The following RC3H2 variants were observed in gnomAD, a reference collection of about 807,000 sequenced individuals.
RC3H2 encodes the protein roquin-2.
Under a neutral mutation model 133.3 loss-of-function variants are expected in RC3H2, and 31 were observed. The ratio of observed to expected loss-of-function variants is 0.23; its 90% confidence interval spans 0.17 to 0.31. RC3H2 has a LOEUF of 0.31. Among genes scored for constraint, RC3H2 ranks in the 10% least tolerant of loss-of-function variants. RC3H2 has a pLI of 1.00. For synonymous variants in RC3H2, 517 were observed against 502.2 expected (o/e 1.03, Z -0.40); for missense variants, 1,175 against 1,437.2 (o/e 0.82, Z 2.95).
chr9:122,900,887 T>C lies in RC3H2; in HGVS notation c.-67-3311A>G, dbSNP rs564880978. ...GATAAAGCATAGGAGTGAGAAATGC[T>C]AAATTAAAGGTGGGACCATAAACAA... On this transcript the variant is annotated intron_variant, in intron 1 of 20. Transcript: ENST00000357244. 1.2e-4 allele frequency among the ~76,000 whole-genome samples: 18 copies of C among 152,336 alleles called. No individual in the cohort carries two copies. The East Asian group carries it at 3.3e-3, about 28-fold the overall frequency.
rs1415914972 is a variant in RC3H2 at position 122,846,070 on chromosome 9, T to A, written c.*3557A>T. 6.6e-6 allele frequency: 1 copy of A among 152,152 alleles called. No homozygotes were observed. The highest frequency in any genetic ancestry group is 2.1e-4 in the South Asian group (1 of 4,832). 9.4% of individuals were successfully genotyped at this position (152,152 alleles called of 1,614,324 possible). On this transcript the variant is annotated 3_prime_UTR_variant, in exon 21 of 21. Coordinates refer to ENST00000357244, the MANE Select transcript of RC3H2 (RefSeq NM_001100588.3). ...TAATGTCTAAAATCCAAAAGCAAAC[T>A]AGATGGTTTTTAAAATAATTTTTCA...
At chr9:122,898,749 C>CAAAAA (rs11433169) in intron 1 of RC3H2, among the ~76,000 whole-genome samples, 3 of 134,890 alleles carry the variant, frequency 2.2e-5, no homozygotes, top group Admixed American at 1.5e-4. Flanking sequence ...AACTTAATCT[C>CAAAAA]AAAAAAAAAA....
At chr9:122,879,369 G>C (rs1444392778) in intron 8 of RC3H2, among the ~76,000 whole-genome samples, 2 of 151,776 alleles carry the variant, frequency 1.3e-5, no homozygotes, top group Non-Finnish European at 2.9e-5. Flanking sequence ...ACTCCAGCCT[G>C]GGTGACAGAG....
chr9:122,872,458 A>ACT (rs757674033), intron 9 of RC3H2, among the ~76,000 whole-genome samples: 46 of 152,252 alleles, frequency 3.0e-4, no homozygotes, highest in Non-Finnish European at 5.1e-4. Context: ...TTTAAATAAA[A>ACT]CTCTAAAATG....
At chr9:122,884,504 T>G (rs2131470562) in intron 4 of RC3H2, among the ~76,000 whole-genome samples, 1 of 152,300 alleles carries the variant, frequency 6.6e-6, no homozygotes, top group East Asian at 1.9e-4. Context: ...CAGCCAAGGA[T>G]ATATGGTATA....
chr9:122,866,561 C>T (rs1040237656), intron 9 of RC3H2, among the ~76,000 whole-genome samples: 3 of 152,056 alleles, frequency 2.0e-5, no homozygotes, highest in East Asian at 1.9e-4. Flanking sequence ...CGCGCCGCCA[C>T]GCCTGACTGG....
chr9:122,867,246 C>T (rs1212946506), intron 9 of RC3H2, among the ~76,000 whole-genome samples: 1 of 96,150 alleles, frequency 1.0e-5, no homozygotes, highest in Non-Finnish European at 2.2e-5. Flanking sequence ...GGATCAGCCC[C>T]CCGCCCGGCC....
At chr9:122,860,576 G>A (rs1188176006) in intron 10 of RC3H2, among the ~76,000 whole-genome samples, 1 of 151,650 alleles carries the variant, frequency 6.6e-6, no homozygotes, top group East Asian at 1.9e-4. Context: ...ACCACACTCG[G>A]CTAATTTTTA....
At chr9:122,900,873 G>C (rs1588118585) in intron 1 of RC3H2, among the ~76,000 whole-genome samples, 1 of 152,154 alleles carries the variant, frequency 6.6e-6, no homozygotes, top group Non-Finnish European at 1.5e-5. Flanking sequence ...ATAAAGCATA[G>C]GAGTGAGAAA....
At chr9:122,852,763 G>T (rs1334622161) in intron 18 of RC3H2, among the ~76,000 whole-genome samples, 4 of 150,824 alleles carry the variant, frequency 2.7e-5, no homozygotes, top group Admixed American at 1.3e-4. Context: ...GAGGTGGGGG[G>T]GTCAGCCCCC....
chr9:122,849,808 G>GA lies in RC3H2; in HGVS notation c.3394_3395insT (p.Thr1132IlefsTer10). The GA allele has an allele frequency of 6.4e-7, 1 of 1,567,598 alleles. No homozygotes were observed. Among genetic ancestry groups the GA allele is most frequent in the Non-Finnish European group, 8.6e-7 (1 of 1,160,286 alleles). ...AAAGCAAGAAGTTACCGGCAGAATT[G>GA]TTTTTTGCTCCTCCCTGAGAAAAAA... is the stretch of plus-strand genomic sequence containing the variant. On this transcript the variant is annotated frameshift_variant, in exon 21 of 21. Coordinates refer to ENST00000357244, the MANE Select transcript of RC3H2 (RefSeq NM_001100588.3). LOFTEE classifies it high-confidence loss of function.
chr9:122,868,745 T>G (rs553087923), intron 9 of RC3H2, among the ~76,000 whole-genome samples: 2 of 143,688 alleles, frequency 1.4e-5, no homozygotes, highest in Admixed American at 1.4e-4. Flanking sequence ...CAATAAAAAA[T>G]AAATAAATAA....
At chr9:122,857,467 G>T in intron 13 of RC3H2, among the ~76,000 whole-genome samples, 1 of 152,096 alleles carries the variant, frequency 6.6e-6, no homozygotes, top group Non-Finnish European at 1.5e-5. Flanking sequence ...GACAGCCCAG[G>T]ATTCATATCC....
chr9:122,880,350 TATAG>T (rs1465468437), intron 6 of RC3H2: 2 of 757,916 alleles, frequency 2.6e-6, no homozygotes, highest in African/African-American at 1.7e-5. Flanking sequence ...GAGGTCAGAA[TATAG>T]ATAAATTTGA....
chr9:122,883,294 A>T lies in RC3H2; in HGVS notation c.669T>A (p.Val223=). ...ALSRKVLVLF[V]VQRLEPRFPQ... ...GAAATCTTGGTTCTAGTCTCTGCAC[A>T]ACAAAAAGTACCAGAACTTTCCTTG... is the stretch of plus-strand genomic sequence containing the variant. The change falls in exon 5 of 21, where the codon GTT becomes GTA. Residue 223 remains valine, a synonymous_variant. Transcript: ENST00000357244. 1 of 1,613,892 alleles carries T rather than the reference A, an allele frequency of 6.2e-7. No homozygotes were observed. The highest frequency in any genetic ancestry group is 1.1e-5 in the South Asian group (1 of 91,004).
chr9:122,859,234 T>C (rs147077877), intron 11 of RC3H2, 132 bp from the exon 12 acceptor site: 10,955 of 593,790 alleles, frequency 0.018, 135 homozygotes, highest in Middle Eastern at 0.027. Flanking sequence ...CCCTGCTTTA[T>C]AAAGCTTTAT....
chr9:122,878,742 T>A (rs1392893573), intron 8 of RC3H2, among the ~76,000 whole-genome samples: 1 of 151,772 alleles, frequency 6.6e-6, no homozygotes, highest in African/African-American at 2.4e-5. Flanking sequence ...GATTATATCT[T>A]AACTTCTTTT....
chr9:122,895,804 T>C (rs1832391342), intron 2 of RC3H2, among the ~76,000 whole-genome samples: 1 of 152,204 alleles, frequency 6.6e-6, no homozygotes, highest in African/African-American at 2.4e-5. Flanking sequence ...TCTTCCTAAC[T>C]TGTAAAATGG....
chr9:122,863,232 G>C (rs1342584625), intron 10 of RC3H2, among the ~76,000 whole-genome samples: 1 of 152,146 alleles, frequency 6.6e-6, no homozygotes, highest in Non-Finnish European at 1.5e-5. Flanking sequence ...CCATATTGTA[G>C]CACATAATAG....
Sources: gnomAD v4.1 joint callset for allele counts (sites outside exome capture counted in the v4.1 genomes callset) on GRCh38, gnomAD v4.1.1 for gene constraint, MANE v1.5 for transcripts, NCBI Gene and HGNC (gene_info 2026-07-23, HGNC 2026-07-21) for gene names.